Variants in SCFD2 observed in about 807,000 individuals in gnomAD.
SCFD2 encodes sec1 family domain containing 2.
Under a neutral mutation model 58.9 loss-of-function variants are expected in SCFD2, and 54 were observed. The ratio of observed to expected loss-of-function variants is 0.92; its 90% CI spans 0.74 to 1.15. The LOEUF (loss-of-function observed/expected upper bound fraction) is 1.15, where lower values mean the gene tolerates loss of function less well. Among genes scored for constraint, SCFD2 ranks in the 50% most tolerant of loss-of-function variants. SCFD2 has a pLI of 0.00. For missense variants in SCFD2, 805 were observed against 836.6 expected (o/e 0.96, Z 0.47); for synonymous variants, 321 against 335.9 (o/e 0.96, Z 0.49).
chr4:53,056,411 T>C (rs930562145), intron 5 of SCFD2, among the ~76,000 whole-genome samples: 4 of 152,196 alleles, frequency 2.6e-5, no homozygotes, highest in Admixed American at 2.6e-4. Flanking sequence ...AATGGTAATG[T>C]GAAATGTATA....
At chr4:53,238,524 T>C (rs1429861666) in intron 4 of SCFD2, among the ~76,000 whole-genome samples, 1 of 146,904 alleles carries the variant, frequency 6.8e-6, no homozygotes, top group Admixed American at 6.7e-5. Context: ...CCCTCCCGGA[T>C]GGGGTGGCTG....
intron 5 of SCFD2, among the ~76,000 whole-genome samples, chr4:53,125,303 T>C (rs1216760583): frequency 6.6e-6 from 1 of 152,200 alleles, no homozygotes; most frequent in African/African-American, 2.4e-5. Flanking sequence ...ATTATTTAAA[T>C]CCTGAGGAGA....
intron 3 of SCFD2, among the ~76,000 whole-genome samples, chr4:53,280,611 T>A (rs1249352139): frequency 6.6e-6 from 1 of 152,190 alleles, no homozygotes; most frequent in Non-Finnish European, 1.5e-5. Flanking sequence ...AGTCATATCG[T>A]CATTGCATGT....
chr4:53,294,876 C>A (rs1282964931), intron 3 of SCFD2, among the ~76,000 whole-genome samples: 1 of 152,300 alleles, frequency 6.6e-6, no homozygotes, highest in South Asian at 2.1e-4. Flanking sequence ...GTTTTCCCAA[C>A]ACCATTTATT....
intron 2 of SCFD2, among the ~76,000 whole-genome samples, chr4:53,342,105 CAAT>C (rs2149148149): frequency 6.6e-6 from 1 of 152,250 alleles, no homozygotes; most frequent in African/African-American, 2.4e-5. Flanking sequence ...TCACACACAA[CAAT>C]ATTAACCTTA....
At chr4:52,931,347 G>A (rs1274808044) in intron 5 of SCFD2, among the ~76,000 whole-genome samples, 1 of 152,166 alleles carries the variant, frequency 6.6e-6, no homozygotes, top group Non-Finnish European at 1.5e-5. Flanking sequence ...AGAGCCTGGG[G>A]AGCTATGCTG....
chr4:53,001,771 C>T (rs1381210504), intron 5 of SCFD2, among the ~76,000 whole-genome samples: 1 of 152,194 alleles, frequency 6.6e-6, no homozygotes, highest in Non-Finnish European at 1.5e-5. Flanking sequence ...ACATTTATTG[C>T]ACACCAAGCA....
At chr4:53,257,663 C>CAA (rs1347818064) in intron 4 of SCFD2, among the ~76,000 whole-genome samples, 2 of 152,116 alleles carry the variant, frequency 1.3e-5, no homozygotes, top group African/African-American at 4.8e-5. Context: ...TAATGCTCCA[C>CAA]AATTTTTCTT....
chr4:53,270,566 A>C (rs1278397510), intron 4 of SCFD2, among the ~76,000 whole-genome samples: 3 of 152,238 alleles, frequency 2.0e-5, no homozygotes, highest in Admixed American at 1.3e-4. Context: ...AACTGACTTT[A>C]TTCACAGATA....
At chr4:52,948,265 A>G (rs1012900404) in intron 5 of SCFD2, 13 of 270,934 alleles carry the variant, frequency 4.8e-5, no homozygotes, top group Non-Finnish European at 1.5e-5. Flanking sequence ...CCCCTGGCAC[A>G]TGGCTCTTAA....
chr4:53,116,776 A>G (rs1174603369), intron 5 of SCFD2, among the ~76,000 whole-genome samples: 1 of 152,206 alleles, frequency 6.6e-6, no homozygotes, highest in East Asian at 1.9e-4. Context: ...ACCCTGAGTC[A>G]CATACTTCTC....
chr4:53,227,115 G>A (rs551874077), intron 4 of SCFD2, among the ~76,000 whole-genome samples: 11 of 152,172 alleles, frequency 7.2e-5, no homozygotes, highest in East Asian at 1.9e-4. Flanking sequence ...CTCTGTAAGC[G>A]TCTCCTCTGG....
At chr4:52,901,126 G>T (rs1719187592) in intron 7 of SCFD2, among the ~76,000 whole-genome samples, 2 of 152,232 alleles carry the variant, frequency 1.3e-5, no homozygotes, top group African/African-American at 2.4e-5. Flanking sequence ...TTTGGCTCAT[G>T]CACGGTGCAC....
chr4:53,172,084 G>A (rs1356261358), intron 4 of SCFD2, among the ~76,000 whole-genome samples: 1 of 151,710 alleles, frequency 6.6e-6, no homozygotes, highest in Non-Finnish European at 1.5e-5. Flanking sequence ...TCGGCTCACT[G>A]CAACCTTCAT....
intron 4 of SCFD2, among the ~76,000 whole-genome samples, chr4:53,238,761 T>G: frequency 1.6e-5 from 2 of 127,888 alleles, no homozygotes; most frequent in African/African-American, 6.2e-5. Context: ...TCTCAGACGA[T>G]GGGCGGCCGG....
chr4:53,187,522 G>A (rs931118118), intron 4 of SCFD2, among the ~76,000 whole-genome samples: 1 of 152,090 alleles, frequency 6.6e-6, no homozygotes, highest in African/African-American at 2.4e-5. Context: ...CTGCAGCCTT[G>A]TTTATAAGAG....
chr4:53,111,181 T>C (rs1350643651), intron 5 of SCFD2, among the ~76,000 whole-genome samples: 4 of 151,860 alleles, frequency 2.6e-5, no homozygotes, highest in African/African-American at 7.3e-5. Flanking sequence ...CACCGGGGCC[T>C]ACTGGTGGGT....
At chr4:53,258,538 G>GTATGTATA (rs1730721784) in intron 4 of SCFD2, among the ~76,000 whole-genome samples, 1 of 119,952 alleles carries the variant, frequency 8.3e-6, no homozygotes, top group Admixed American at 8.3e-5. Context: ...TGGTGTGTGT[G>GTATGTATA]TATATATATA....
chr4:53,226,458 C>T (rs1380244061), intron 4 of SCFD2, among the ~76,000 whole-genome samples: 1 of 151,936 alleles, frequency 6.6e-6, no homozygotes, highest in Non-Finnish European at 1.5e-5. Flanking sequence ...AAGTCTTTTT[C>T]CCAACATTAC....
Sources: allele counts gnomAD v4.1 joint callset (sites outside exome capture counted in the v4.1 genomes callset), GRCh38; gene constraint gnomAD v4.1.1; transcripts MANE v1.5; gene names NCBI Gene and HGNC (gene_info 2026-07-23, HGNC 2026-07-21).